Variants in AGBL4 observed in about 807,000 individuals in gnomAD.
AGBL4 encodes the protein AGBL carboxypeptidase 4.
A neutral mutation model predicts 66.4 loss-of-function variants in AGBL4; 58 were observed. That is an observed-to-expected ratio of 0.87 (90% confidence interval 0.71 to 1.09). The LOEUF (loss-of-function observed/expected upper bound fraction) is 1.09. Ranked by LOEUF, AGBL4 falls within the 50% of genes least tolerant of loss-of-function variation. AGBL4 has a pLI of 0.00. For missense variants in AGBL4, 579 were observed against 631.0 expected (o/e 0.92, Z 0.88); for synonymous variants, 234 against 222.9 (o/e 1.05, Z -0.44).
intron 1 of AGBL4, among the ~76,000 whole-genome samples, chr1:49,945,081 A>G (rs1655092215): frequency 6.6e-6 from 1 of 152,126 alleles, no homozygotes; most frequent in South Asian, 2.1e-4. Context: ...AAATGACCAA[A>G]CCTAAGAATA....
intron 4 of AGBL4, among the ~76,000 whole-genome samples, chr1:49,218,885 A>T (rs1649283873): frequency 6.6e-6 from 1 of 152,110 alleles, no homozygotes; most frequent in Non-Finnish European, 1.5e-5. Context: ...TTTTATAAAG[A>T]GGAATTTCCT....
At chr1:49,446,735 CTG>C (rs1238230471) in intron 3 of AGBL4, among the ~76,000 whole-genome samples, 1 of 152,146 alleles carries the variant, frequency 6.6e-6, no homozygotes, top group Admixed American at 6.5e-5. Flanking sequence ...GGATGACTCT[CTG>C]TGTCCCAAGC....
intron 2 of AGBL4, among the ~76,000 whole-genome samples, chr1:49,846,710 T>C (rs756417624): frequency 6.6e-5 from 10 of 152,130 alleles, no homozygotes; most frequent in Non-Finnish European, 1.2e-4. Context: ...TATCTAGGAA[T>C]ACATGTAACC....
chr1:49,129,096 T>C (rs1277709931), intron 4 of AGBL4, among the ~76,000 whole-genome samples: 4 of 152,004 alleles, frequency 2.6e-5, no homozygotes, highest in Non-Finnish European at 4.4e-5. Flanking sequence ...AAAAAGCTCA[T>C]GAAAAATGCT....
chr1:49,741,606 A>G (rs1430464094), intron 2 of AGBL4, among the ~76,000 whole-genome samples: 1 of 152,204 alleles, frequency 6.6e-6, no homozygotes, highest in African/African-American at 2.4e-5. Context: ...AAAAAAGAGA[A>G]TCATAGACCA....
chr1:49,579,101 C>CTCCA (rs1378900657), intron 3 of AGBL4, among the ~76,000 whole-genome samples: 1 of 152,178 alleles, frequency 6.6e-6, no homozygotes, highest in Non-Finnish European at 1.5e-5. Context: ...GAACATTGGA[C>CTCCA]TCCAGGTTCT....
At position 49,566,052 on chromosome 1, in the gene AGBL4, C is replaced by T. The variant is rs200778660; in HGVS notation, c.282+131261G>A. ...TCTTCATGCTTCATTTCATTCATTT[C>T]GTCTTCCATCGCTGATACCCTTTCT... On this transcript the variant is annotated intron_variant, in intron 3 of 13. Transcript: ENST00000371839. Among the ~76,000 whole-genome samples the T allele has an allele frequency of 3.3e-4, 51 of 152,278 alleles. No homozygotes were observed. In the East Asian group the frequency reaches 9.5e-3, roughly 28 times the overall value.
intron 3 of AGBL4, among the ~76,000 whole-genome samples, chr1:49,496,338 T>C (rs1230011439): frequency 6.6e-6 from 1 of 152,032 alleles, no homozygotes; most frequent in Non-Finnish European, 1.5e-5. Context: ...ATGGCTAAAG[T>C]GAGCTAATTA....
In AGBL4 at chr1:49,036,316, T is replaced by C. The variant is rs531656984; in HGVS notation, c.594+9268A>G. ...TAGAGATCTAACATCCAGAGCAAGA[T>C]AAGGCAATAGTCCTATTCTGCTGTA... On this transcript the variant is annotated intron_variant, in intron 5 of 13. Coordinates refer to ENST00000371839, the MANE Select transcript of AGBL4 (RefSeq NM_032785.4). Among the ~76,000 whole-genome samples, 190 of 152,236 alleles carry C rather than the reference T, an allele frequency of 1.2e-3. 2 individuals are homozygous for C. In the Middle Eastern group the frequency reaches 0.017, roughly 14 times the overall value.
intron 4 of AGBL4, 32 bp from the exon 5 acceptor site, chr1:49,045,832 A>G: frequency 4.0e-6 from 6 of 1,517,540 alleles, no homozygotes; most frequent in Non-Finnish European, 4.5e-6. Context: ...ATTTGGGCAT[A>G]TGAGACATTC....
chr1:48,617,865 C>T (rs975190953), intron 9 of AGBL4, among the ~76,000 whole-genome samples: 3 of 152,096 alleles, frequency 2.0e-5, no homozygotes, highest in Non-Finnish European at 2.9e-5. Flanking sequence ...AGAGGGGACC[C>T]GAGTCCAGGT....
intron 3 of AGBL4, among the ~76,000 whole-genome samples, chr1:49,325,949 T>G (rs559287913): frequency 1.8e-4 from 27 of 152,290 alleles, no homozygotes; most frequent in African/African-American, 6.5e-4. Flanking sequence ...GAATGAAAGC[T>G]TTCTGAGGCC....
chr1:49,779,110 C>G (rs963176417), intron 2 of AGBL4, among the ~76,000 whole-genome samples: 1 of 152,098 alleles, frequency 6.6e-6, no homozygotes, highest in Non-Finnish European at 1.5e-5. Flanking sequence ...TAAGAAAGAG[C>G]TGAGCTGAAA....
At chr1:49,428,572 C>G (rs1446050463) in intron 3 of AGBL4, among the ~76,000 whole-genome samples, 1 of 152,216 alleles carries the variant, frequency 6.6e-6, no homozygotes, top group Non-Finnish European at 1.5e-5. Context: ...CTGGAGTTTA[C>G]TTGGCAAGGA....
At chr1:49,897,357 A>G (rs1649323831) in intron 1 of AGBL4, among the ~76,000 whole-genome samples, 1 of 152,002 alleles carries the variant, frequency 6.6e-6, no homozygotes, top group Non-Finnish European at 1.5e-5. Context: ...CATATACAAT[A>G]CCCACAAATA....
At chr1:49,400,648 T>TA (rs1440346573) in intron 3 of AGBL4, among the ~76,000 whole-genome samples, 1 of 152,210 alleles carries the variant, frequency 6.6e-6, no homozygotes, top group African/African-American at 2.4e-5. Flanking sequence ...GATTACTTTT[T>TA]AATTTCTTTT....
chr1:49,458,055 G>A (rs571788672), intron 3 of AGBL4, among the ~76,000 whole-genome samples: 1 of 151,608 alleles, frequency 6.6e-6, no homozygotes, highest in Admixed American at 6.6e-5. Context: ...GGCTCCATAT[G>A]AATTTTAGGA....
chr1:50,018,735 A>G (rs1026937536), intron 1 of AGBL4, among the ~76,000 whole-genome samples: 2 of 152,158 alleles, frequency 1.3e-5, no homozygotes, highest in African/African-American at 4.8e-5. Flanking sequence ...AAATACAGAC[A>G]TGATCAAAGA....
chr1:49,852,060 A>G (rs1229999604), intron 1 of AGBL4, among the ~76,000 whole-genome samples: 2 of 152,196 alleles, frequency 1.3e-5, no homozygotes, highest in African/African-American at 4.8e-5. Flanking sequence ...CAGGAACTTT[A>G]ATTTTTAAAA....
Sources: gnomAD v4.1 joint callset for allele counts (sites outside exome capture counted in the v4.1 genomes callset) on GRCh38, gnomAD v4.1.1 for gene constraint, MANE v1.5 for transcripts, NCBI Gene and HGNC (gene_info 2026-07-23, HGNC 2026-07-21) for gene names.